The following NDST3 variants were observed in gnomAD, a reference collection of about 807,000 sequenced individuals.
The protein encoded by NDST3 is bifunctional heparan sulfate N-deacetylase/N-sulfotransferase 3.
NDST3 carries 58 observed loss-of-function variants against 96.1 expected under a neutral mutation model. That is an observed-to-expected ratio of 0.60 (90% CI 0.49 to 0.75). The LOEUF is 0.75. Ranked by LOEUF, NDST3 falls within the 30% of genes least tolerant of loss-of-function variation. The probability of loss-of-function intolerance (pLI) is 0.00; values close to 1 mark genes in which losing one functional copy is unlikely to be tolerated. For missense variants in NDST3, 788 were observed against 1,034.2 expected, an observed-to-expected ratio of 0.76 and a Z score of 3.27; for synonymous variants, 333 against 359.7, an observed-to-expected ratio of 0.93 and a Z score of 0.84.
intron 6 of NDST3, among the ~76,000 whole-genome samples, chr4:118,180,047 G>A (rs1736510123): frequency 6.6e-6 from 1 of 152,054 alleles, no homozygotes; most frequent in Admixed American, 6.6e-5. Context: ...AATAGAGGGG[G>A]AGTGGAGGAA....
intron 6 of NDST3, among the ~76,000 whole-genome samples, chr4:118,176,633 G>T (rs1352563577): frequency 6.6e-6 from 1 of 152,066 alleles, no homozygotes; most frequent in Non-Finnish European, 1.5e-5. Flanking sequence ...TAATAATACA[G>T]AGAATGTGGA....
chr4:118,046,957 G>T (rs980706148), intron 1 of NDST3, among the ~76,000 whole-genome samples: 17 of 152,174 alleles, frequency 1.1e-4, no homozygotes. Flanking sequence ...CACTGTCAGT[G>T]ATCAGAGGGA....
chr4:118,066,218 A>ATTATATATATT lies in NDST3; in HGVS notation c.981+11327_981+11328insTTATATATATT. ...ATATTATATTTTATATATTATACAT[A>ATTATATATATT]ATATATTATATATATTATATATTAT... On this transcript the variant is annotated intron_variant, in intron 2 of 13. Coordinates refer to ENST00000296499, the MANE Select transcript of NDST3 (RefSeq NM_004784.3). 1.4e-3 allele frequency among the ~76,000 whole-genome samples: 87 copies of ATTATATATATT among 62,862 alleles called. 10 individuals carry two copies. The highest frequency in any genetic ancestry group is 5.9e-3 in the African/African-American group (84 of 14,326). The allele number at this position is 62,862 out of a possible 152,430, so 41.2% of individuals were successfully genotyped here. A position where few individuals can be genotyped will look rare whatever the true frequency, so the allele number is the denominator to read the frequency against.
intron 1 of NDST3, among the ~76,000 whole-genome samples, chr4:118,048,646 C>A (rs971500734): frequency 6.6e-6 from 1 of 152,028 alleles, no homozygotes; most frequent in Non-Finnish European, 1.5e-5. Context: ...CAATACATAA[C>A]AATAAAGAGT....
Position 118,167,242 on chromosome 4 carries a change from A to G in NDST3, c.1539+23558A>G, listed in dbSNP as rs78927677. On this transcript the variant is annotated intron_variant, in intron 6 of 13. Coordinates refer to ENST00000296499, the MANE Select transcript of NDST3 (RefSeq NM_004784.3). ...GTTCCAGGATACAAAATCAACATACAAAAATGAGTTATGTTTCACTAACCA... is the reference window on the plus strand; with the variant it reads ...GTTCCAGGATACAAAATCAACATACGAAAATGAGTTATGTTTCACTAACCA... Among the ~76,000 whole-genome samples, 865 of 151,996 alleles carry G rather than the reference A, an allele frequency of 5.7e-3. 11 individuals carry two copies. Among genetic ancestry groups the G allele is most frequent in the African/African-American group, 0.02 (832 of 41,534 alleles).
chr4:118,220,288 G>A (rs1284856453), intron 6 of NDST3, among the ~76,000 whole-genome samples: 2 of 152,088 alleles, frequency 1.3e-5, no homozygotes, highest in African/African-American at 4.8e-5. Flanking sequence ...AAAAAGGAAT[G>A]AGATCATGTC....
intron 6 of NDST3, among the ~76,000 whole-genome samples, chr4:118,183,407 A>C (rs1736728762): frequency 6.6e-6 from 1 of 152,170 alleles, no homozygotes; most frequent in Admixed American, 6.5e-5. Flanking sequence ...ATTTGATTCA[A>C]AGCTCCACCA....
intron 6 of NDST3, among the ~76,000 whole-genome samples, chr4:118,168,383 T>C (rs533263327): frequency 2.0e-5 from 3 of 152,116 alleles, no homozygotes; most frequent in Admixed American, 6.5e-5. Context: ...AATTTTTATA[T>C]AAATTCATAT....
At position 118,052,824 on chromosome 4, in the gene NDST3, T is replaced by A. The variant is rs185897343; in HGVS notation, c.-155-932T>A. Among the ~76,000 whole-genome samples the A allele has an allele frequency of 1.7e-3, 254 of 152,148 alleles. 1 individual carries two copies. Among genetic ancestry groups the A allele is most frequent in the Non-Finnish European group, 2.8e-3 (189 of 67,926 alleles). The stretch of plus-strand genomic sequence containing the variant: ...CAAATAAAAAAAGAAGCACTCATGT[T>A]TCTTTCTTATTATTTTTCAAAGTTA... On this transcript the variant is annotated intron_variant, in intron 1 of 13. Transcript: ENST00000296499.
intron 4 of NDST3, among the ~76,000 whole-genome samples, chr4:118,117,299 T>C (rs566063704): frequency 2.0e-5 from 3 of 152,014 alleles, no homozygotes; most frequent in Non-Finnish European, 4.4e-5. Context: ...TAACACTCAA[T>C]AGATGGCAGC....
intron 12 of NDST3, among the ~76,000 whole-genome samples, chr4:118,250,451 T>C (rs1403023426): frequency 6.6e-6 from 1 of 152,196 alleles, no homozygotes; most frequent in Non-Finnish European, 1.5e-5. Flanking sequence ...TCATTGACCA[T>C]TCATATGTGT....
chr4:118,091,806 ATTT>A (rs1318767274), intron 2 of NDST3, among the ~76,000 whole-genome samples: 1 of 151,714 alleles, frequency 6.6e-6, no homozygotes, highest in African/African-American at 2.4e-5. Flanking sequence ...ATTGTTGTGT[ATTT>A]TTTATATTTG....
intron 6 of NDST3, among the ~76,000 whole-genome samples, chr4:118,209,712 C>T (rs1284500107): frequency 6.6e-6 from 1 of 152,152 alleles, no homozygotes; most frequent in Admixed American, 6.5e-5. Context: ...ATCACTGTAC[C>T]TTTGAAACCT....
At chr4:118,163,665 T>C (rs1735353066) in intron 6 of NDST3, among the ~76,000 whole-genome samples, 1 of 152,008 alleles carries the variant, frequency 6.6e-6, no homozygotes, top group Non-Finnish European at 1.5e-5. Flanking sequence ...GATGAGTTAA[T>C]GGGTGCAGCA....
chr4:118,048,187 T>C (rs1053903216), intron 1 of NDST3, among the ~76,000 whole-genome samples: 2 of 152,126 alleles, frequency 1.3e-5, no homozygotes, highest in African/African-American at 4.8e-5. Flanking sequence ...GCTGAATGAA[T>C]TCATTTCAAC....
In NDST3 at chr4:118,233,152, G is replaced by T; in HGVS notation, c.1943+17G>T. 6.2e-7 allele frequency: 1 copy of T among 1,603,098 alleles called. No individual in the cohort carries two copies. On this transcript the variant is annotated intron_variant, in intron 9 of 13. Coordinates refer to ENST00000296499, the MANE Select transcript of NDST3 (RefSeq NM_004784.3). ...GATTGATTGGTAAGATGGGTTATTAGTATAAATCTAAAAGTATATGTACTG... is the reference window on the plus strand; with the variant it reads ...GATTGATTGGTAAGATGGGTTATTATTATAAATCTAAAAGTATATGTACTG...
rs562099266 is a variant in NDST3 at position 118,184,602 on chromosome 4, TACACACACAC to T, written c.1540-39857_1540-39848del. On this transcript the variant is annotated intron_variant, in intron 6 of 13. Coordinates refer to ENST00000296499, the MANE Select transcript of NDST3 (RefSeq NM_004784.3). ...CTCCCTTTGTCTCTCTCTCTCTCTC[TACACACACAC>T]ACACACACACACACACACACACACA... Among the ~76,000 whole-genome samples the T allele has an allele frequency of 3.4e-3, 474 of 138,576 alleles. 1 individual carries two copies. The highest frequency in any genetic ancestry group is 0.011 in the African/African-American group (425 of 37,442). 90.9% of individuals were successfully genotyped at this position (138,576 alleles called of 152,430 possible). A position where few individuals can be genotyped will look rare whatever the true frequency, so the allele number is the denominator to read the frequency against.
chr4:118,199,795 A>T (rs1334177061), intron 6 of NDST3, among the ~76,000 whole-genome samples: 1 of 152,118 alleles, frequency 6.6e-6, no homozygotes, highest in African/African-American at 2.4e-5. Context: ...TAACACTATG[A>T]TTCTTGCAGA....
At chr4:118,075,750 ATTTTTTTCTT>A (rs1455325659) in intron 2 of NDST3, among the ~76,000 whole-genome samples, 1 of 14,590 alleles carries the variant, frequency 6.9e-5, no homozygotes, top group Non-Finnish European at 8.5e-4. Flanking sequence ...GGGCTGTTTG[ATTTTTTTCTT>A]GTAAATTTGT....
Sources: gnomAD v4.1 joint callset for allele counts (sites outside exome capture counted in the v4.1 genomes callset) on GRCh38, gnomAD v4.1.1 for gene constraint, MANE v1.5 for transcripts, NCBI Gene and HGNC (gene_info 2026-07-23, HGNC 2026-07-21) for gene names.